The following NALCN variants were observed in gnomAD, a reference collection of about 807,000 sequenced individuals.
NALCN encodes sodium leak channel, non-selective.
Under a neutral mutation model 225.3 loss-of-function variants are expected in NALCN, and 111 were observed. That is an observed-to-expected ratio of 0.49 (90% CI 0.42 to 0.58). The LOEUF is 0.58. NALCN is among the 20% of genes least tolerant of loss of function. NALCN has a pLI of 0.00. For missense variants in NALCN, 1,378 were observed against 2,202.4 expected, an observed-to-expected ratio of 0.63 and a Z score of 7.49; for synonymous variants, 764 against 769.0, an observed-to-expected ratio of 0.99 and a Z score of 0.11.
chr13:101,150,931 T>C (rs983265204), intron 15 of NALCN, among the ~76,000 whole-genome samples: 5 of 152,132 alleles, frequency 3.3e-5, no homozygotes, highest in Admixed American at 6.6e-5. Flanking sequence ...AAATCTAATG[T>C]AAAGAACAGT....
rs573578945 is a variant in NALCN at position 101,134,604 on chromosome 13, C to T, written c.2118+8476G>A. ...CCTTGAAAATAAGAAATATGAATGA[C>T]GTAAAAATTACAAAGAGGGACTGCT... On this transcript the variant is annotated intron_variant, in intron 17 of 43. Coordinates refer to ENST00000251127, the MANE Select transcript of NALCN (RefSeq NM_052867.4). Among the ~76,000 whole-genome samples, 6 of 152,022 alleles carry T rather than the reference C, an allele frequency of 3.9e-5. No homozygotes were observed. The South Asian group carries it at 6.2e-4, about 16-fold the overall frequency.
At chr13:101,234,032 C>T (rs1383635512) in intron 12 of NALCN, among the ~76,000 whole-genome samples, 2 of 152,176 alleles carry the variant, frequency 1.3e-5, no homozygotes, top group Admixed American at 6.5e-5. Context: ...TTACAGTTTG[C>T]TCCTTCACTT....
At chr13:101,101,270 TA>T (rs1291756431) in intron 26 of NALCN, among the ~76,000 whole-genome samples, 2 of 135,184 alleles carry the variant, frequency 1.5e-5, no homozygotes, top group Non-Finnish European at 1.6e-5. Flanking sequence ...TATATATATT[TA>T]TTTTTTTTTC....
At chr13:101,302,317 T>C (rs1410350208) in intron 7 of NALCN, among the ~76,000 whole-genome samples, 1 of 152,172 alleles carries the variant, frequency 6.6e-6, no homozygotes, top group African/African-American at 2.4e-5. Flanking sequence ...TATTTATTTA[T>C]TTATTTATTT....
In NALCN at chr13:101,054,331, T is replaced by A. The variant is rs2030940939; in HGVS notation, c.*964A>T. On this transcript the variant is annotated 3_prime_UTR_variant, in exon 44 of 44. Coordinates refer to ENST00000251127, the MANE Select transcript of NALCN (RefSeq NM_052867.4). The stretch of plus-strand genomic sequence containing the variant: ...CCATAGAAGATTCTTTTAACAGAGA[T>A]GTCATTTCAAATCTAACGTAGCAAT... The A allele has an allele frequency of 6.6e-6, 1 of 152,238 alleles. No individual in the cohort carries two copies. Among genetic ancestry groups the A allele is most frequent in the Non-Finnish European group, 1.5e-5 (1 of 68,046 alleles). 9.4% of individuals were successfully genotyped at this position (152,238 alleles called of 1,614,324 possible).
chr13:101,140,763 TA>T (rs1042278113), intron 17 of NALCN, among the ~76,000 whole-genome samples: 1 of 151,896 alleles, frequency 6.6e-6, no homozygotes, highest in African/African-American at 2.4e-5. Flanking sequence ...AAGTTTAATT[TA>T]AAAAAATCAA....
At chr13:101,063,944 G>A (rs1342046635) in intron 40 of NALCN, among the ~76,000 whole-genome samples, 7 of 151,984 alleles carry the variant, frequency 4.6e-5, no homozygotes, top group Non-Finnish European at 7.4e-5. Flanking sequence ...TTAAATGCAC[G>A]GAATGAAATA....
At chr13:101,251,298 T>C (rs1248608000) in intron 11 of NALCN, among the ~76,000 whole-genome samples, 3 of 152,078 alleles carry the variant, frequency 2.0e-5, no homozygotes, top group Non-Finnish European at 2.9e-5. Context: ...CATGAATCAA[T>C]TTCCCAAATA....
At chr13:101,249,222 G>A (rs1241981353) in intron 11 of NALCN, among the ~76,000 whole-genome samples, 1 of 152,114 alleles carries the variant, frequency 6.6e-6, no homozygotes, top group Non-Finnish European at 1.5e-5. Context: ...TAAAATTAAT[G>A]ACTCTATAAA....
At position 101,053,955 on chromosome 13, in the gene NALCN, A is replaced by G. The variant is rs1310965293; in HGVS notation, c.*1340T>C. The G allele has an allele frequency of 6.6e-6, 1 of 151,448 alleles. No individual in the cohort carries two copies. The highest frequency in any genetic ancestry group is 1.5e-5 in the Non-Finnish European group (1 of 68,018). The allele number at this position is 151,448 out of a possible 1,614,324, so 9.4% of individuals were successfully genotyped here. ...ACGATACTTCTGTGACACAGAAGGA[A>G]TGTCCTATTTGCCTATCTATCTGAG... On this transcript the variant is annotated 3_prime_UTR_variant, in exon 44 of 44. Transcript: ENST00000251127.
At chr13:101,319,989 T>C (rs2044689143) in intron 7 of NALCN, among the ~76,000 whole-genome samples, 2 of 152,214 alleles carry the variant, frequency 1.3e-5, no homozygotes, top group Non-Finnish European at 2.9e-5. Flanking sequence ...ATTCTTCTTA[T>C]GTTTCCCATG....
chr13:101,206,644 C>A (rs1238815935), intron 13 of NALCN, among the ~76,000 whole-genome samples: 1 of 151,246 alleles, frequency 6.6e-6, no homozygotes. Flanking sequence ...CACCTGTTTC[C>A]ATTTTTGAAG....
At chr13:101,142,855 A>G in intron 17 of NALCN, 2 of 524,338 alleles carry the variant, frequency 3.8e-6, no homozygotes, top group South Asian at 4.1e-5. Flanking sequence ...ACAAAGTCGC[A>G]TGGCTGCCAC....
In NALCN at chr13:101,103,358, T is replaced by C. The variant is rs775463378; in HGVS notation, c.2890-19A>G. On this transcript the variant is annotated intron_variant, in intron 25 of 43. Transcript: ENST00000251127. ...AGCTCACCTAAAGGGGAACAAATGATCTCTGGAATTTATACAATTCATCCC... is the reference window on the plus strand; with the variant it reads ...AGCTCACCTAAAGGGGAACAAATGACCTCTGGAATTTATACAATTCATCCC... 6 of 1,592,904 alleles carry C rather than the reference T, an allele frequency of 3.8e-6. No individual in the cohort carries two copies. In the East Asian group the frequency reaches 1.1e-4, roughly 30 times the overall value.
chr13:101,169,998 A>C (rs2038637768), intron 15 of NALCN, among the ~76,000 whole-genome samples: 1 of 152,216 alleles, frequency 6.6e-6, no homozygotes, highest in Non-Finnish European at 1.5e-5. Context: ...GCTCAGCCGA[A>C]TGGCATCTTC....
chr13:101,096,683 T>C (rs1404182121), intron 27 of NALCN, among the ~76,000 whole-genome samples: 2 of 152,156 alleles, frequency 1.3e-5, no homozygotes, highest in East Asian at 1.9e-4. Flanking sequence ...AAAAAACCAT[T>C]GAATTGAACA....
intron 13 of NALCN, among the ~76,000 whole-genome samples, chr13:101,206,287 G>A (rs1167781916): frequency 6.6e-6 from 1 of 151,898 alleles, no homozygotes; most frequent in East Asian, 1.9e-4. Flanking sequence ...TCTTCACTAA[G>A]CTCACAAATA....
chr13:101,126,107 C>T (rs761561720), intron 17 of NALCN, among the ~76,000 whole-genome samples: 24 of 152,150 alleles, frequency 1.6e-4, no homozygotes, highest in Non-Finnish European at 2.9e-4. Context: ...TCAGTGTGTC[C>T]ATAAAGCCAT....
chr13:101,060,757 C>G (rs2031860100), intron 41 of NALCN, among the ~76,000 whole-genome samples: 1 of 152,098 alleles, frequency 6.6e-6, no homozygotes, highest in Non-Finnish European at 1.5e-5. Context: ...TGTCTTGGTT[C>G]TGAAGTTTTC....
Sources: allele counts gnomAD v4.1 joint callset (sites outside exome capture counted in the v4.1 genomes callset), GRCh38; gene constraint gnomAD v4.1.1; transcripts MANE v1.5; gene names NCBI Gene and HGNC (gene_info 2026-07-23, HGNC 2026-07-21).